LRRC7: variants seen among roughly 807,000 people sequenced by gnomAD.
LRRC7 encodes leucine-rich repeat-containing protein 7.
LRRC7 carries 23 observed loss-of-function variants against 175.7 expected under a neutral mutation model. That is an observed-to-expected ratio of 0.13 (90% CI 0.09 to 0.19). The LOEUF is 0.19. Ranked by LOEUF, LRRC7 falls within the 10% of genes least tolerant of loss-of-function variation. LRRC7 has a pLI of 1.00. For missense variants in LRRC7, 1,354 were observed against 1,904.7 expected (o/e 0.71, Z 5.38); for synonymous variants, 685 against 680.9 (o/e 1.01, Z -0.09).
At chr1:69,578,826 A>G (rs1354651203) in intron 1 of LRRC7, among the ~76,000 whole-genome samples, 2 of 147,764 alleles carry the variant, frequency 1.4e-5, no homozygotes, top group Non-Finnish European at 3.0e-5. Context: ...TAGCATTAGG[A>G]GATATACCTA....
intron 7 of LRRC7, chr1:69,874,629 A>T (rs1557838253): frequency 1.3e-5 from 2 of 152,048 alleles, no homozygotes; most frequent in Non-Finnish European, 2.9e-5. Context: ...GGAAAGAAAC[A>T]TTTTTTTGTA....
chr1:69,596,937 G>T (rs1646867964), intron 1 of LRRC7, among the ~76,000 whole-genome samples: 1 of 152,138 alleles, frequency 6.6e-6, no homozygotes, highest in African/African-American at 2.4e-5. Flanking sequence ...AGAACAATCT[G>T]GTGTCAGTCA....
intron 25 of LRRC7, among the ~76,000 whole-genome samples, chr1:70,103,533 G>A (rs538220782): frequency 1.8e-4 from 27 of 152,268 alleles, no homozygotes; most frequent in African/African-American, 5.5e-4. Context: ...ACATAAGGCA[G>A]AGAAATGGAT....
chr1:69,759,771 G>A (rs961751098), intron 2 of LRRC7, among the ~76,000 whole-genome samples: 1 of 151,968 alleles, frequency 6.6e-6, no homozygotes, highest in Non-Finnish European at 1.5e-5. Context: ...TTACAGAAAT[G>A]GGAGAAATGT....
rs556700118 is a variant in LRRC7, at chr1:69,579,921, A to G, written c.2+11280A>G. 7.3e-5 allele frequency among the ~76,000 whole-genome samples: 11 copies of G among 150,876 alleles called. No individual in the cohort carries two copies. In the East Asian group the frequency reaches 1.2e-3, roughly 16 times the overall value. On this transcript the variant is annotated intron_variant, in intron 1 of 26. Transcript: ENST00000651989. The stretch of plus-strand genomic sequence containing the variant: ...AGTGTTGGGCTTACAGGTGTGAGCC[A>G]CTGCACCTGGCCTGAATAGAAGTGT...
At chr1:69,708,619 G>A (rs1406268992) in intron 2 of LRRC7, among the ~76,000 whole-genome samples, 1 of 152,192 alleles carries the variant, frequency 6.6e-6, no homozygotes, top group Non-Finnish European at 1.5e-5. Flanking sequence ...TAGGCCAAAT[G>A]TGTGAGCATT....
chr1:70,082,007 A>G (rs1195306716), intron 24 of LRRC7, among the ~76,000 whole-genome samples: 1 of 152,254 alleles, frequency 6.6e-6, no homozygotes, highest in Non-Finnish European at 1.5e-5. Flanking sequence ...GCTGTAGTCT[A>G]TCCTGGAAGA....
chr1:69,731,708 C>T (rs1667600337), intron 2 of LRRC7, among the ~76,000 whole-genome samples: 1 of 152,130 alleles, frequency 6.6e-6, no homozygotes, highest in Non-Finnish European at 1.5e-5. Context: ...ACAAAATGTT[C>T]AATGTCCAAA....
chr1:69,816,020 G>A (rs750421641), intron 4 of LRRC7, among the ~76,000 whole-genome samples: 11 of 151,332 alleles, frequency 7.3e-5, no homozygotes, highest in Non-Finnish European at 1.0e-4. Flanking sequence ...TTGCTGTGTC[G>A]CCCAGGCTGG....
intron 2 of LRRC7, among the ~76,000 whole-genome samples, chr1:69,697,941 G>A (rs1174824172): frequency 6.6e-6 from 1 of 152,142 alleles, no homozygotes; most frequent in Non-Finnish European, 1.5e-5. Context: ...ATATCCTCAG[G>A]TAGACTCCAG....
chr1:69,673,814 G>A (rs1358277950), intron 1 of LRRC7, among the ~76,000 whole-genome samples: 1 of 151,882 alleles, frequency 6.6e-6, no homozygotes, highest in Non-Finnish European at 1.5e-5. Context: ...TTTGTGTATC[G>A]TTCATGTAAT....
rs995577742 is a variant in LRRC7 at position 69,926,968 on chromosome 1, A to G, written c.648-4539A>G. Among the ~76,000 whole-genome samples, 18 of 152,172 alleles carry G rather than the reference A, an allele frequency of 1.2e-4. No homozygotes were observed. In the South Asian group the frequency reaches 1.2e-3, roughly 11 times the overall value. ...TACCGGTTGTTCCTTTCCATGTTTA[A>G]TGCTTCCTTCAGGAGGTCTTTTAGG... On this transcript the variant is annotated intron_variant, in intron 7 of 26. Coordinates refer to ENST00000651989, the MANE Select transcript of LRRC7 (RefSeq NM_001370785.2).
intron 2 of LRRC7, among the ~76,000 whole-genome samples, chr1:69,698,638 C>G (rs1290510000): frequency 6.6e-6 from 1 of 152,178 alleles, no homozygotes; most frequent in Non-Finnish European, 1.5e-5. Flanking sequence ...TCTAGACATC[C>G]CAGTATGTAT....
intron 1 of LRRC7, among the ~76,000 whole-genome samples, chr1:69,631,312 C>T (rs1363286247): frequency 1.3e-5 from 2 of 152,006 alleles, no homozygotes; most frequent in Non-Finnish European, 2.9e-5. Context: ...TACATGATAC[C>T]ATATCCTACC....
At chr1:69,804,494 A>G (rs944970869) in intron 4 of LRRC7, among the ~76,000 whole-genome samples, 6 of 151,574 alleles carry the variant, frequency 4.0e-5, no homozygotes, top group African/African-American at 1.4e-4. Context: ...TGTTCAGTAA[A>G]AGATATTCTT....
intron 4 of LRRC7, among the ~76,000 whole-genome samples, chr1:69,800,282 G>A (rs1027252135): frequency 2.0e-5 from 3 of 151,834 alleles, no homozygotes; most frequent in Admixed American, 6.6e-5. Context: ...TGTGAAAAAC[G>A]GCATGCATAT....
At chr1:69,997,559 T>A (rs1421944453) in intron 11 of LRRC7, among the ~76,000 whole-genome samples, 4 of 151,990 alleles carry the variant, frequency 2.6e-5, no homozygotes, top group Non-Finnish European at 5.9e-5. Context: ...GCTCTTATTA[T>A]TTTGAGATAC....
chr1:70,076,552 A>C (rs1290413217), intron 24 of LRRC7, among the ~76,000 whole-genome samples: 1 of 152,164 alleles, frequency 6.6e-6, no homozygotes, highest in East Asian at 1.9e-4. Flanking sequence ...TTCCAGTACC[A>C]TCCTACACCC....
chr1:70,007,369 A>G lies in LRRC7; in HGVS notation c.1005-4428A>G, dbSNP rs115120219. On this transcript the variant is annotated intron_variant, in intron 11 of 26. Coordinates refer to ENST00000651989, the MANE Select transcript of LRRC7 (RefSeq NM_001370785.2). ...CAGGGATCGTAAAAATGACCTTGCA[A>G]TCTGAAACTGTGCAAAACAGTCTTA... Among the ~76,000 whole-genome samples, 473 of 152,320 alleles carry G rather than the reference A, an allele frequency of 3.1e-3. 3 individuals carry two copies. Among genetic ancestry groups the G allele is most frequent in the African/African-American group, 0.01 (426 of 41,582 alleles).
Sources: allele counts gnomAD v4.1 joint callset (sites outside exome capture counted in the v4.1 genomes callset), GRCh38; gene constraint gnomAD v4.1.1; transcripts MANE v1.5; gene names NCBI Gene and HGNC (gene_info 2026-07-23, HGNC 2026-07-21).